RARS2: variants seen among roughly 807,000 people sequenced by gnomAD.
The protein encoded by RARS2 is arginyl-tRNA synthetase 2, mitochondrial.
A neutral mutation model predicts 88.5 loss-of-function variants in RARS2; 67 were observed. The ratio of observed to expected loss-of-function variants is 0.76; its 90% CI spans 0.62 to 0.93. RARS2 has a LOEUF of 0.93. RARS2 is among the 40% of genes least tolerant of loss of function. RARS2 has a pLI of 0.00. For missense variants in RARS2, 664 were observed against 684.2 expected, an observed-to-expected ratio of 0.97 and a Z score of 0.33; for synonymous variants, 239 against 230.3, an observed-to-expected ratio of 1.04 and a Z score of -0.34.
intron 1 of RARS2, among the ~76,000 whole-genome samples, chr6:87,582,908 G>C (rs919384148): frequency 2.0e-5 from 3 of 152,122 alleles, no homozygotes; most frequent in Non-Finnish European, 4.4e-5. Context: ...TAACGAGAGC[G>C]TAAAGCTACT....
chr6:87,516,433 C>T (rs1231141562), intron 18 of RARS2, among the ~76,000 whole-genome samples: 5 of 152,184 alleles, frequency 3.3e-5, no homozygotes, highest in African/African-American at 1.2e-4. Flanking sequence ...TCTTGCTCAA[C>T]TCTGGGCTTT....
chr6:87,565,693 A>C (rs76771689), intron 2 of RARS2, among the ~76,000 whole-genome samples: 6,810 of 152,250 alleles, frequency 0.045, 201 homozygotes, highest in East Asian at 0.095. Flanking sequence ...AAGGTGCAAA[A>C]AAAATTTTTT....
At chr6:87,564,053 C>T in intron 3 of RARS2, 77 bp downstream of exon 3, 1 of 1,070,330 alleles carries the variant, frequency 9.3e-7, no homozygotes, top group Non-Finnish European at 1.4e-6. Flanking sequence ...ACTATTATGG[C>T]TGAGATAGCC....
intron 4 of RARS2, among the ~76,000 whole-genome samples, chr6:87,559,444 C>G (rs1424349932): frequency 9.5e-6 from 1 of 105,106 alleles, no homozygotes; most frequent in South Asian, 3.1e-4. Flanking sequence ...GCCTGGGCAA[C>G]AAGAGTGAAA....
At chr6:87,524,517 G>C (rs1477223684) in intron 11 of RARS2, 40 bp downstream of exon 11, 1 of 1,454,820 alleles carries the variant, frequency 6.9e-7, no homozygotes, top group Non-Finnish European at 9.7e-7. Context: ...GAAAGCAACA[G>C]ATTTAGAACC....
chr6:87,520,334 T>TCTTAATTTGATTC, intron 12 of RARS2, 78 bp from the exon 13 acceptor site: 2 of 1,189,186 alleles, frequency 1.7e-6, no homozygotes, highest in Non-Finnish European at 2.4e-6. Context: ...TGAATCAAAT[T>TCTTAATTTGATTC]AAGATATTTG....
chr6:87,517,212 A>C (rs1772060431), intron 17 of RARS2, among the ~76,000 whole-genome samples: 1 of 152,150 alleles, frequency 6.6e-6, no homozygotes, highest in Non-Finnish European at 1.5e-5. Flanking sequence ...CGGGAGGTGA[A>C]GGTTTCAGTG....
chr6:87,515,507 G>A lies in RARS2; in HGVS notation c.1587-487C>T, dbSNP rs188258973. Among the ~76,000 whole-genome samples, 1,172 of 150,746 alleles carry A rather than the reference G, an allele frequency of 7.8e-3. 9 individuals are homozygous for A. The highest frequency in any genetic ancestry group is 0.042 in the Middle Eastern group (12 of 284). Reference sequence around the variant, plus strand: ...TGCACTCCAGCCTGGGCAAGAGTGCGAGACTCTGTCTCAAAAAAAAAAAAA... The same window carrying A: ...TGCACTCCAGCCTGGGCAAGAGTGCAAGACTCTGTCTCAAAAAAAAAAAAA... On this transcript the variant is annotated intron_variant, in intron 18 of 19. Transcript: ENST00000369536.
chr6:87,536,379 G>T (rs1204311368), intron 8 of RARS2, among the ~76,000 whole-genome samples: 1 of 152,154 alleles, frequency 6.6e-6, no homozygotes, highest in Non-Finnish European at 1.5e-5. Context: ...GCTCACACCT[G>T]TAATCCCAGC....
intron 4 of RARS2, among the ~76,000 whole-genome samples, chr6:87,557,172 T>C (rs1786230448): frequency 6.6e-6 from 1 of 152,152 alleles, no homozygotes; most frequent in Admixed American, 6.5e-5. Flanking sequence ...ATGGGCAACA[T>C]TTCCCATTTA....
intron 8 of RARS2, among the ~76,000 whole-genome samples, chr6:87,535,328 A>AATT (rs1778784492): frequency 6.6e-6 from 1 of 152,176 alleles, no homozygotes; most frequent in Non-Finnish European, 1.5e-5. Context: ...GGAGACTCTA[A>AATT]AGTTAGGAAA....
At chr6:87,551,543 T>C (rs1451575351) in intron 5 of RARS2, among the ~76,000 whole-genome samples, 1 of 145,404 alleles carries the variant, frequency 6.9e-6, no homozygotes, top group Non-Finnish European at 1.5e-5. Context: ...GGCAGGAGAA[T>C]TGCTTGAACC....
chr6:87,567,304 C>T (rs1329417903), intron 2 of RARS2, among the ~76,000 whole-genome samples: 1 of 152,108 alleles, frequency 6.6e-6, no homozygotes, highest in Non-Finnish European at 1.5e-5. Context: ...GTGATGGGCA[C>T]ACACAGGGTT....
In RARS2 at chr6:87,529,538, A is replaced by G; in HGVS notation, c.878+4T>C. 6.6e-7 allele frequency: 1 copy of G among 1,504,974 alleles called. No homozygotes were observed. The highest frequency in any genetic ancestry group is 9.3e-7 in the Non-Finnish European group (1 of 1,080,942). 93.2% of individuals were successfully genotyped at this position (1,504,974 alleles called of 1,614,324 possible). A position where few individuals can be genotyped will look rare whatever the true frequency, so the allele number is the denominator to read the frequency against. ...TTTACTGAAGAATAGTAACCTGATC[A>G]TACATTGTTTTCAGTAGGAGTCCTT... On this transcript the variant is annotated splice_donor_region_variant and intron_variant, in intron 10 of 19. Transcript: ENST00000369536.
chr6:87,551,809 A>G (rs1432471783), intron 5 of RARS2, among the ~76,000 whole-genome samples: 2 of 152,048 alleles, frequency 1.3e-5, no homozygotes, highest in African/African-American at 4.8e-5. Context: ...AGTGTCTCAC[A>G]CTTGGGAACA....
intron 5 of RARS2, among the ~76,000 whole-genome samples, 172 bp from the exon 6 acceptor site, chr6:87,548,818 T>C (rs1011471490): frequency 3.3e-5 from 5 of 152,224 alleles, no homozygotes; most frequent in African/African-American, 7.2e-5. Context: ...ACTCGAAATT[T>C]TGACATTGTG....
intron 8 of RARS2, among the ~76,000 whole-genome samples, chr6:87,534,294 C>T (rs1778482595): frequency 6.6e-6 from 1 of 152,056 alleles, no homozygotes. Flanking sequence ...ATTTCTCCTC[C>T]TTAATACATT....
intron 14 of RARS2, chr6:87,519,327 T>A: frequency 2.3e-6 from 1 of 431,120 alleles, no homozygotes; most frequent in South Asian, 2.1e-5. Flanking sequence ...CGTAATCACC[T>A]AGACAACAGA....
chr6:87,589,792 G>A, intron 1 of RARS2, 130 bp downstream of exon 1: 1 of 1,599,862 alleles, frequency 6.3e-7, no homozygotes, highest in Non-Finnish European at 8.5e-7. Flanking sequence ...GAAGGGGGAG[G>A]AGGTGGTAGA....
Sources: gnomAD v4.1 joint callset for allele counts (sites outside exome capture counted in the v4.1 genomes callset) on GRCh38, gnomAD v4.1.1 for gene constraint, MANE v1.5 for transcripts, NCBI Gene and HGNC (gene_info 2026-07-23, HGNC 2026-07-21) for gene names.